VWA5A: variants seen among roughly 807,000 people sequenced by gnomAD.
VWA5A encodes von Willebrand factor A domain containing 5A.
A neutral mutation model predicts 84.6 loss-of-function variants in VWA5A; 77 were observed. That is an observed-to-expected ratio of 0.91 (90% CI 0.76 to 1.10). VWA5A has a LOEUF of 1.10. Ranked by LOEUF, VWA5A falls within the 50% of genes least tolerant of loss-of-function variation. The probability of loss-of-function intolerance (pLI) is 0.00; values close to 1 mark genes in which losing one functional copy is unlikely to be tolerated. For missense variants in VWA5A, 973 were observed against 963.0 expected (o/e 1.01, Z -0.14); for synonymous variants, 334 against 350.1 (o/e 0.95, Z 0.51).
At chr11:124,127,068 A>T (rs911131273) in intron 11 of VWA5A, among the ~76,000 whole-genome samples, 4 of 152,164 alleles carry the variant, frequency 2.6e-5, no homozygotes, top group Non-Finnish European at 5.9e-5. Context: ...TGTGCAGAAC[A>T]TGCAGGTTTG....
chr11:124,136,753 C>CCTCCCTCT (rs1860600509), intron 14 of VWA5A, 79 bp downstream of exon 14: 1 of 517,530 alleles, frequency 1.9e-6, no homozygotes. Context: ...TCCTTCATTC[C>CCTCCCTCT]CTCCCTCCCT....
At chr11:124,133,047 A>G (rs1001498596) in intron 11 of VWA5A, among the ~76,000 whole-genome samples, 1 of 152,138 alleles carries the variant, frequency 6.6e-6, no homozygotes, top group African/African-American at 2.4e-5. Context: ...AGGATTTTCT[A>G]TTTTTGTTAG....
At position 124,134,936 on chromosome 11, in the gene VWA5A, A is replaced by C. The variant is rs1346442050; in HGVS notation, c.1261A>C (p.Ile421Leu). 1 of 1,612,916 alleles carries C rather than the reference A, an allele frequency of 6.2e-7. No individual in the cohort carries two copies. Among genetic ancestry groups the C allele is most frequent in the Non-Finnish European group, 8.5e-7 (1 of 1,179,536 alleles). ...RQKHRCFSFG[I>L]GEGTSTSLIK... ...CAATTGCAGGTGTTTCTCATTTGGT[A>C]TTGGAGAAGGCACCTCCACCAGCCT... is the stretch of plus-strand genomic sequence containing the variant. Residue 421 changes from isoleucine (I) to leucine (L), a missense_variant, in exon 12 of 19, where the codon ATT becomes CTT. Ile to Leu is a conservative substitution (Grantham distance 5). Coordinates refer to ENST00000456829, the MANE Select transcript of VWA5A (RefSeq NM_001130142.2).
rs1860821517 is a variant in VWA5A at position 124,146,288 on chromosome 11, A to G, written c.*343A>G. On this transcript the variant is annotated 3_prime_UTR_variant, in exon 19 of 19. Coordinates refer to ENST00000456829, the MANE Select transcript of VWA5A (RefSeq NM_001130142.2). ...CTACAGACTAAAGATTGCAGCATTT[A>G]TGTTAGAGAATGCTTGAATTAGAGA... 1 of 208,230 alleles carries G rather than the reference A, an allele frequency of 4.8e-6. No individual in the cohort carries two copies. Among genetic ancestry groups the G allele is most frequent in the African/African-American group, 2.4e-5 (1 of 42,308 alleles). The allele number at this position is 208,230 out of a possible 1,614,324, so 12.9% of individuals were successfully genotyped here.
At chr11:124,129,075 G>A (rs1260317129) in intron 11 of VWA5A, among the ~76,000 whole-genome samples, 2 of 152,170 alleles carry the variant, frequency 1.3e-5, no homozygotes, top group Admixed American at 1.3e-4. Flanking sequence ...CAAAGGGAAT[G>A]CTTCCAGCTT....
intron 11 of VWA5A, among the ~76,000 whole-genome samples, chr11:124,129,463 G>T (rs546605298): frequency 1.3e-5 from 2 of 152,282 alleles, no homozygotes; most frequent in South Asian, 2.1e-4. Flanking sequence ...GTCTCAGCCA[G>T]GTTTTGGTAT....
At chr11:124,137,484 C>T (rs1397466148) in intron 15 of VWA5A, among the ~76,000 whole-genome samples, 1 of 152,004 alleles carries the variant, frequency 6.6e-6, no homozygotes, top group Non-Finnish European at 1.5e-5. Flanking sequence ...CAAGAGAAAA[C>T]AAAAAACAAA....
intron 7 of VWA5A, among the ~76,000 whole-genome samples, chr11:124,120,785 C>T (rs1864919883): frequency 2.0e-5 from 3 of 152,196 alleles, no homozygotes; most frequent in Admixed American, 2.0e-4. Flanking sequence ...ATAACAGTGA[C>T]CTACGTGTCA....
At position 124,145,866 on chromosome 11, in the gene VWA5A, G is replaced by A. The variant is rs777469537; in HGVS notation, c.2282G>A (p.Gly761Asp). ...KAVAWMRAHA[G>D]STMPSVVKAA... The stretch of plus-strand genomic sequence containing the variant: ...TGCTTCTTGTTTTTCCTCACCACAG[G>A]CTCCACCATGCCTTCGGTTGTGAAA... Residue 761 changes from glycine to aspartate, a missense_variant and splice_region_variant, in exon 19 of 19, where the codon GGC becomes GAC. Physicochemically the swap from Gly to Asp is moderately conservative, Grantham distance 94. Transcript: ENST00000456829. The A allele has an allele frequency of 6.3e-6, 10 of 1,575,702 alleles. 1 individual carries two copies. The South Asian group carries it at 1.2e-4, about 18-fold the overall frequency.
intron 17 of VWA5A, 107 bp from the exon 18 acceptor site, chr11:124,145,130 T>A: frequency 7.2e-7 from 1 of 1,396,350 alleles, no homozygotes; most frequent in East Asian, 2.5e-5. Flanking sequence ...ACCAGGTAAC[T>A]CCATCTAGTG....
Position 124,117,478 on chromosome 11 carries a change from T to C in VWA5A, c.-15-19T>C, listed in dbSNP as rs780653380. On this transcript the variant is annotated intron_variant, in intron 2 of 18. Transcript: ENST00000456829. ...TAACTTCCAACATGTCCTCTGTTTG[T>C]GATATGTCTTTTCTGCAGAAATCTT... is the stretch of plus-strand genomic sequence containing the variant. 3.7e-6 allele frequency: 6 copies of C among 1,612,710 alleles called. No homozygotes were observed. In the African/African-American group the frequency reaches 5.3e-5, roughly 14 times the overall value.
rs561785944 is a variant in VWA5A at position 124,127,328 on chromosome 11, C to T, written c.1244+3012C>T. Among the ~76,000 whole-genome samples, 73 of 152,198 alleles carry T rather than the reference C, an allele frequency of 4.8e-4. 1 individual carries two copies. The South Asian group carries it at 0.015, about 31-fold the overall frequency. On this transcript the variant is annotated intron_variant, in intron 11 of 18. Transcript: ENST00000456829. The stretch of plus-strand genomic sequence containing the variant: ...GATGGTTTCCAACTTCATCCGTGTC[C>T]CTGCAAAGGACATGAACTCATCCTT...
intron 7 of VWA5A, among the ~76,000 whole-genome samples, chr11:124,121,686 C>T (rs188077689): frequency 6.6e-6 from 1 of 152,246 alleles, no homozygotes; most frequent in African/African-American, 2.4e-5. Flanking sequence ...TTTGAAATGC[C>T]TCATTTGAAA....
intron 5 of VWA5A, 59 bp downstream of exon 5, chr11:124,118,470 T>G (rs1489856165): frequency 1.2e-6 from 2 of 1,610,836 alleles, no homozygotes; most frequent in Non-Finnish European, 1.7e-6. Context: ...GAAATTTTCT[T>G]AAGGTTGAGA....
intron 10 of VWA5A, 34 bp downstream of exon 10, chr11:124,123,838 G>C (rs1202361911): frequency 6.5e-7 from 1 of 1,529,728 alleles, no homozygotes; most frequent in Non-Finnish European, 8.7e-7. Context: ...AGAAGAGACA[G>C]GAAGTGTGAA....
In VWA5A at chr11:124,134,985, CA is replaced by C. The variant is rs766421660; in HGVS notation, c.1311del (p.Gly439AlafsTer20). The C allele has an allele frequency of 8.7e-6, 14 of 1,613,514 alleles. No homozygotes were observed. In the South Asian group the frequency reaches 1.4e-4, roughly 16 times the overall value. On this transcript the variant is annotated frameshift_variant, in exon 12 of 19. Transcript: ENST00000456829. LOFTEE classifies it high-confidence loss of function. ...TSLIKGIARASGGTSEFITGK... is the reference protein window; with the variant it reads ...TSLIKGIARAXGGTSEFITGK... ...CTAATAAAAGGTATTGCCCGGGCAT[CA>C]GGGGGCACCTCAGAATTTATCACAG...
At chr11:124,124,731 C>A (rs1864992200) in intron 11 of VWA5A, 1 of 200,230 alleles carries the variant, frequency 5.0e-6, no homozygotes, top group Non-Finnish European at 9.0e-6. Context: ...GTACCCTTTT[C>A]CATCATGTCC....
Position 124,137,082 on chromosome 11 carries a change from C to T in VWA5A, c.1693C>T (p.Pro565Ser). 2.5e-6 allele frequency: 4 copies of T among 1,613,624 alleles called. No homozygotes were observed. The highest frequency in any genetic ancestry group is 3.4e-6 in the Non-Finnish European group (4 of 1,179,926). ...QTKDMGLRET[P>S]ASDKKDALNL... Reference sequence around the variant, plus strand: ...CAAGGACATGGGCCTCAGGGAGACTCCAGCAAGTGATAAAAAAGATGCATT... The same window carrying T: ...CAAGGACATGGGCCTCAGGGAGACTTCAGCAAGTGATAAAAAAGATGCATT... The change falls in exon 15 of 19, where the codon CCA becomes TCA. Residue 565 changes from proline to serine, a missense_variant. Transcript: ENST00000456829.
At chr11:124,135,536 T>TC (rs1865164411) in intron 12 of VWA5A, among the ~76,000 whole-genome samples, 1 of 140,700 alleles carries the variant, frequency 7.1e-6, no homozygotes, top group Admixed American at 7.0e-5. Flanking sequence ...TTTTTTTTTT[T>TC]TTTTTTTTTT....
Sources: allele counts gnomAD v4.1 joint callset (sites outside exome capture counted in the v4.1 genomes callset), GRCh38; gene constraint gnomAD v4.1.1; transcripts MANE v1.5; gene names NCBI Gene and HGNC (gene_info 2026-07-23, HGNC 2026-07-21).